TBC1D22A: variants seen among roughly 807,000 people sequenced by gnomAD.
The protein encoded by TBC1D22A is putative GTPase activator.
TBC1D22A carries 38 observed loss-of-function variants against 60.2 expected under a neutral mutation model. The observed-to-expected ratio is 0.63, with a 90% CI of 0.49 to 0.83. The LOEUF (loss-of-function observed/expected upper bound fraction) is 0.83, where lower values mean the gene tolerates loss of function less well. TBC1D22A is among the 40% of genes least tolerant of loss of function. TBC1D22A has a pLI of 0.00. For missense variants in TBC1D22A, 628 were observed against 701.0 expected (o/e 0.90, Z 1.18); for synonymous variants, 302 against 281.7 (o/e 1.07, Z -0.72).
At chr22:46,824,233 T>A (rs1178316819) in intron 4 of TBC1D22A, among the ~76,000 whole-genome samples, 1 of 152,180 alleles carries the variant, frequency 6.6e-6, no homozygotes, top group East Asian at 1.9e-4. Context: ...CTTCCGTGGC[T>A]CGAGGCTCCT....
Position 46,848,888 on chromosome 22 carries a change from G to GT in TBC1D22A, c.638-29751dup, listed in dbSNP as rs79068503. Among the ~76,000 whole-genome samples the GT allele has an allele frequency of 5.1e-3, 745 of 146,458 alleles. 1 individual carries two copies. The highest frequency in any genetic ancestry group is 6.6e-3 in the African/African-American group (264 of 40,022). Reference sequence around the variant, plus strand: ...TAGCACCTCACTGCTTCACCATGCAGTTTTTTTTTTTTTTAAACTCCTATG... The same window carrying GT: ...TAGCACCTCACTGCTTCACCATGCAGTTTTTTTTTTTTTTTAAACTCCTATG... On this transcript the variant is annotated intron_variant, in intron 4 of 12. Coordinates refer to ENST00000337137, the MANE Select transcript of TBC1D22A (RefSeq NM_014346.5).
intron 11 of TBC1D22A, among the ~76,000 whole-genome samples, chr22:47,092,973 T>G (rs1021287310): frequency 1.3e-5 from 2 of 152,182 alleles, no homozygotes; most frequent in Non-Finnish European, 2.9e-5. Flanking sequence ...TGCTGAGTCA[T>G]CAGACATGGA....
chr22:46,866,914 A>C (rs956915214), intron 4 of TBC1D22A, among the ~76,000 whole-genome samples: 4 of 152,244 alleles, frequency 2.6e-5, no homozygotes, highest in Admixed American at 2.6e-4. Flanking sequence ...TGCTAACAGA[A>C]CGGCATGGAT....
At chr22:47,150,220 C>T (rs536001537) in intron 12 of TBC1D22A, among the ~76,000 whole-genome samples, 17 of 152,248 alleles carry the variant, frequency 1.1e-4, no homozygotes, top group African/African-American at 3.9e-4. Context: ...TCCGGAGCAC[C>T]GCCACGCCCA....
At chr22:47,060,099 A>G (rs909193193) in intron 11 of TBC1D22A, among the ~76,000 whole-genome samples, 3 of 152,024 alleles carry the variant, frequency 2.0e-5, no homozygotes, top group African/African-American at 7.3e-5. Context: ...TTATGTCCTG[A>G]TTGTTGGTGC....
chr22:46,857,585 TCA>T (rs1320832430), intron 4 of TBC1D22A, among the ~76,000 whole-genome samples: 1 of 152,228 alleles, frequency 6.6e-6, no homozygotes, highest in African/African-American at 2.4e-5. Flanking sequence ...TTGACTGTCA[TCA>T]CAGTCAATTT....
chr22:47,064,982 A>G (rs965196350), intron 11 of TBC1D22A, among the ~76,000 whole-genome samples: 1 of 151,712 alleles, frequency 6.6e-6, no homozygotes, highest in Non-Finnish European at 1.5e-5. Context: ...TATTTATTTT[A>G]TTTTATTTAT....
At chr22:46,936,701 G>A (rs2071678950) in intron 8 of TBC1D22A, among the ~76,000 whole-genome samples, 2 of 152,370 alleles carry the variant, frequency 1.3e-5, no homozygotes, top group African/African-American at 4.8e-5. Flanking sequence ...GTGAACGGGA[G>A]CCTCACTCTG....
chr22:47,026,112 AAAG>A (rs1430330763), intron 10 of TBC1D22A, among the ~76,000 whole-genome samples: 17 of 152,390 alleles, frequency 1.1e-4, no homozygotes, highest in Admixed American at 3.3e-4. Context: ...ACATATTTAA[AAAG>A]AAGAACAAAC....
At chr22:46,802,783 G>T (rs1601926748) in intron 4 of TBC1D22A, among the ~76,000 whole-genome samples, 2 of 152,146 alleles carry the variant, frequency 1.3e-5, no homozygotes, top group South Asian at 4.2e-4. Context: ...CTCATGGGAG[G>T]GGCTGGAGGA....
At chr22:47,162,201 GGT>G (rs1491508706) in intron 12 of TBC1D22A, among the ~76,000 whole-genome samples, 4 of 127,722 alleles carry the variant, frequency 3.1e-5, no homozygotes, top group Admixed American at 7.3e-5. Context: ...TCATTTGAAA[GGT>G]TTTTTTTTTT....
chr22:46,806,097 C>T (rs1024274215), intron 4 of TBC1D22A, among the ~76,000 whole-genome samples: 11 of 152,130 alleles, frequency 7.2e-5, no homozygotes, highest in Admixed American at 3.3e-4. Context: ...GTGATCCACC[C>T]GCTTTGGCCT....
chr22:46,920,057 T>TTGTATGTATGTA (rs60952648), intron 8 of TBC1D22A, among the ~76,000 whole-genome samples: 217 of 59,244 alleles, frequency 3.7e-3, no homozygotes, highest in African/African-American at 8.1e-3. Flanking sequence ...ATGTGTTTGT[T>TTGTATGTATGTA]TGTATGTATG....
At chr22:47,007,083 C>T (rs1366337080) in intron 10 of TBC1D22A, among the ~76,000 whole-genome samples, 1 of 152,102 alleles carries the variant, frequency 6.6e-6, no homozygotes, top group African/African-American at 2.4e-5. Flanking sequence ...GCAGGTGGCC[C>T]CTTCTTCAGG....
At position 46,794,198 on chromosome 22, in the gene TBC1D22A, C is replaced by G. The variant is rs801598; in HGVS notation, c.460+357C>G. Among the ~76,000 whole-genome samples, 1,436 of 152,334 alleles carry G rather than the reference C, an allele frequency of 9.4e-3. 27 individuals are homozygous for G. Among genetic ancestry groups the G allele is most frequent in the African/African-American group, 0.033 (1,389 of 41,582 alleles). On this transcript the variant is annotated intron_variant, in intron 3 of 12. Transcript: ENST00000337137. ...AAGCGCCTGGGGACACTGTCTCCCT[C>G]CTAACTCCACCAGCTTGTGATGGTT...
At chr22:46,998,426 G>A (rs978535775) in intron 10 of TBC1D22A, among the ~76,000 whole-genome samples, 1 of 152,144 alleles carries the variant, frequency 6.6e-6, no homozygotes, top group Non-Finnish European at 1.5e-5. Context: ...GATGAGGTGT[G>A]GAAAAGAGAC....
At chr22:47,090,295 A>G (rs2064868171) in intron 11 of TBC1D22A, among the ~76,000 whole-genome samples, 1 of 151,950 alleles carries the variant, frequency 6.6e-6, no homozygotes, top group Non-Finnish European at 1.5e-5. Context: ...AATGACAAGG[A>G]TATAGGCACA....
At chr22:47,063,401 C>T (rs2063648073) in intron 11 of TBC1D22A, among the ~76,000 whole-genome samples, 1 of 152,100 alleles carries the variant, frequency 6.6e-6, no homozygotes, top group South Asian at 2.1e-4. Flanking sequence ...CGTCCTGGAG[C>T]CCCGTGGGTG....
intron 7 of TBC1D22A, among the ~76,000 whole-genome samples, chr22:46,897,640 G>A (rs111601653): frequency 1.8e-5 from 2 of 108,380 alleles, no homozygotes; most frequent in South Asian, 3.3e-4. Context: ...GTTTCGTTTT[G>A]TTTTTTTTTG....
Sources: allele counts gnomAD v4.1 joint callset (sites outside exome capture counted in the v4.1 genomes callset), GRCh38; gene constraint gnomAD v4.1.1; transcripts MANE v1.5; gene names NCBI Gene and HGNC (gene_info 2026-07-23, HGNC 2026-07-21).